Variants in INTS12 observed in about 807,000 individuals in gnomAD.
The protein encoded by INTS12 is integrator complex subunit 12, also known as PHD finger protein 22.
INTS12 carries 13 observed loss-of-function variants against 41.6 expected under a neutral mutation model. The ratio of observed to expected loss-of-function variants is 0.31; its 90% confidence interval spans 0.20 to 0.50. The LOEUF is 0.50. INTS12 is among the 20% of genes least tolerant of loss of function. The probability of loss-of-function intolerance (pLI) is 0.98; values close to 1 mark genes in which losing one functional copy is unlikely to be tolerated. For synonymous variants in INTS12, 199 were observed against 191.4 expected (o/e 1.04, Z -0.33); for missense variants, 432 against 541.6 (o/e 0.80, Z 2.01).
In INTS12 at chr4:105,683,161, G is replaced by C; in HGVS notation, c.961C>G (p.Pro321Ala). ...TTCTGGTTAGCTGACGAAGTAGCAG[G>C]TTTCCCAGTATTGTTTTGTGTTGTT... The part of the protein sequence containing the change: ...SSTTQNNTGK[P>A]ATSSANQKPV... Residue 321 changes from proline (P) to alanine (A), a missense_variant, in exon 8 of 8, where the codon CCT (proline) becomes GCT (alanine). This residue lies in a region of INTS12 where 258 missense variants were observed against 309.9 expected (regional missense o/e 0.83). Coordinates refer to ENST00000340139, the MANE Select transcript of INTS12 (RefSeq NM_020395.4). 3 of 1,614,084 alleles carry C rather than the reference G, an allele frequency of 1.9e-6. No individual in the cohort carries two copies. The highest frequency in any genetic ancestry group is 2.2e-5 in the South Asian group (2 of 91,078).
chr4:105,685,020 T>C (rs1731454556), intron 7 of INTS12, among the ~76,000 whole-genome samples: 1 of 152,080 alleles, frequency 6.6e-6, no homozygotes, highest in Non-Finnish European at 1.5e-5. Context: ...AGAAGTAATA[T>C]AACACAAACA....
chr4:105,708,551 C>T (rs919492296), intron 1 of INTS12, 87 bp downstream of exon 1: 2 of 985,306 alleles, frequency 2.0e-6, no homozygotes, highest in African/African-American at 3.5e-5. Context: ...AACTAATACC[C>T]CACGTAGCTA....
chr4:105,683,888 AAC>A (rs1300457547), intron 7 of INTS12, among the ~76,000 whole-genome samples: 2 of 152,158 alleles, frequency 1.3e-5, no homozygotes, highest in East Asian at 3.8e-4. Context: ...AATTTTGAGC[AAC>A]AGTTACAGGA....
chr4:105,692,051 C>T lies in INTS12; in HGVS notation c.582G>A (p.Gln194=), dbSNP rs1731707975. ...NLYHRDCHKP[Q]VTDKEANDPR... ...GGTCATTCGCTTCCTTGTCTGTCAC[C>T]TGGGGTTTATGACAATCTCGGTGGT... The change falls in exon 6 of 8, where the codon CAG becomes CAA. Residue 194 remains glutamine (Q), a synonymous_variant. Coordinates refer to ENST00000340139, the MANE Select transcript of INTS12 (RefSeq NM_020395.4). The T allele has an allele frequency of 6.2e-7, 1 of 1,610,306 alleles. No individual in the cohort carries two copies.
chr4:105,700,098 T>C (rs1732009880), intron 2 of INTS12, 84 bp from the exon 3 acceptor site: 2 of 870,710 alleles, frequency 2.3e-6, no homozygotes, highest in Non-Finnish European at 3.4e-6. Flanking sequence ...TTTTAATTTG[T>C]AATAGATAAT....
chr4:105,687,849 A>T (rs1191750837), intron 6 of INTS12, among the ~76,000 whole-genome samples: 5 of 152,152 alleles, frequency 3.3e-5, no homozygotes, highest in Admixed American at 2.0e-4. Flanking sequence ...GCTACTCAGG[A>T]GGTTGAGGCA....
intron 1 of INTS12, chr4:105,708,089 A>T (rs28391170): frequency 1.0e-6 from 1 of 985,118 alleles, no homozygotes; most frequent in East Asian, 1.1e-4. Context: ...AATAAACATT[A>T]TTTTAAAGAT....
intron 2 of INTS12, among the ~76,000 whole-genome samples, chr4:105,703,180 C>A (rs1000494007): frequency 6.6e-6 from 1 of 151,976 alleles, no homozygotes; most frequent in African/African-American, 2.4e-5. Flanking sequence ...AAACAAAGTC[C>A]TGTGTGTGTG....
intron 5 of INTS12, among the ~76,000 whole-genome samples, chr4:105,692,600 C>T (rs1560776437): frequency 6.6e-6 from 1 of 151,700 alleles, no homozygotes; most frequent in Non-Finnish European, 1.5e-5. Flanking sequence ...CAACACTTGG[C>T]ATGCACAAAA....
chr4:105,695,843 GT>G (rs1731843861), intron 3 of INTS12, among the ~76,000 whole-genome samples, 175 bp from the exon 4 acceptor site: 1 of 151,992 alleles, frequency 6.6e-6, no homozygotes, highest in South Asian at 2.1e-4. Flanking sequence ...TATACAAACT[GT>G]ACCTTTTTTA....
chr4:105,692,483 CAAA>C lies in INTS12; in HGVS notation c.498-351_498-349del, dbSNP rs571586438. Among the ~76,000 whole-genome samples, 11 of 49,232 alleles carry C rather than the reference CAAA, an allele frequency of 2.2e-4. No individual in the cohort carries two copies. The South Asian group carries it at 6.9e-3, about 31-fold the overall frequency. 32.3% of individuals were successfully genotyped at this position (49,232 alleles called of 152,430 possible). A position where few individuals can be genotyped will look rare whatever the true frequency, so the allele number is the denominator to read the frequency against. ...TTGGTGACAGAGTAAGACTCTGTCTCAAAAAAAAAAAAAAAAAAAAAAAGTTAT... is the reference window on the plus strand; with the variant it reads ...TTGGTGACAGAGTAAGACTCTGTCTCAAAAAAAAAAAAAAAAAAAAGTTAT... On this transcript the variant is annotated intron_variant, in intron 5 of 7. Transcript: ENST00000340139.
chr4:105,708,147 G>A, intron 1 of INTS12: 1 of 985,404 alleles, frequency 1.0e-6, no homozygotes, highest in Non-Finnish European at 1.2e-6. Flanking sequence ...GGATAACACT[G>A]ATACCTTAGG....
chr4:105,693,208 AC>A, intron 5 of INTS12, 90 bp downstream of exon 5: 3 of 1,076,412 alleles, frequency 2.8e-6, no homozygotes, highest in Non-Finnish European at 3.9e-6. Context: ...AAAATGCACA[AC>A]AATTTTTCTG....
rs571586438 is a variant in INTS12 at position 105,692,483 on chromosome 4, CAAAAA to C, written c.498-353_498-349del. 6.1e-5 allele frequency among the ~76,000 whole-genome samples: 3 copies of C among 49,234 alleles called. No homozygotes were observed. In the South Asian group the frequency reaches 2.3e-3, roughly 38 times the overall value. 32.3% of individuals were successfully genotyped at this position (49,234 alleles called of 152,430 possible). A position where few individuals can be genotyped will look rare whatever the true frequency, so the allele number is the denominator to read the frequency against. ...TTGGTGACAGAGTAAGACTCTGTCTCAAAAAAAAAAAAAAAAAAAAAAAGTTATTT... is the reference window on the plus strand; with the variant it reads ...TTGGTGACAGAGTAAGACTCTGTCTCAAAAAAAAAAAAAAAAAAGTTATTT... On this transcript the variant is annotated intron_variant, in intron 5 of 7. Transcript: ENST00000340139.
At chr4:105,689,132 T>C (rs1468563361) in intron 6 of INTS12, among the ~76,000 whole-genome samples, 1 of 152,218 alleles carries the variant, frequency 6.6e-6, no homozygotes, top group Non-Finnish European at 1.5e-5. Flanking sequence ...GTCTCTCACC[T>C]GAAGCTGGGG....
intron 7 of INTS12, among the ~76,000 whole-genome samples, chr4:105,685,853 A>T (rs889113075): frequency 6.6e-6 from 1 of 152,180 alleles, no homozygotes; most frequent in African/African-American, 2.4e-5. Flanking sequence ...GAGAAAGGTG[A>T]TACCCTCACT....
At chr4:105,707,883 G>C (rs1387267460) in intron 1 of INTS12, 1 of 784,216 alleles carries the variant, frequency 1.3e-6, no homozygotes, top group Non-Finnish European at 1.5e-6. Context: ...ATAAATATAA[G>C]TATGTGCTTT....
intron 1 of INTS12, among the ~76,000 whole-genome samples, chr4:105,704,784 C>A (rs1732206597): frequency 6.6e-6 from 1 of 152,166 alleles, no homozygotes; most frequent in South Asian, 2.1e-4. Context: ...AACCCAGAAG[C>A]AGCTTTAACT....
rs1451328910 is a variant in INTS12 at position 105,682,897 on chromosome 4, T to G, written c.1225A>C (p.Thr409Pro). The part of the protein sequence containing the change: ...SQLSGNGNSG[T>P]SGPSGSTTSK... ...GTAGTACTTCCACTAGGTCCTGATGTTCCACTATTTCCATTCCCACTTAGT... is the reference window on the plus strand; with the variant it reads ...GTAGTACTTCCACTAGGTCCTGATGGTCCACTATTTCCATTCCCACTTAGT... Residue 409 changes from threonine (T) to proline (P), a missense_variant, in exon 8 of 8, where the codon ACA (threonine) becomes CCA (proline). Thr to Pro is a conservative substitution (Grantham distance 38, BLOSUM62 -1). Transcript: ENST00000340139. The G allele has an allele frequency of 6.2e-7, 1 of 1,614,132 alleles. No individual in the cohort carries two copies. Among genetic ancestry groups the G allele is most frequent in the South Asian group, 1.1e-5 (1 of 91,074 alleles).
Sources: allele counts gnomAD v4.1 joint callset (sites outside exome capture counted in the v4.1 genomes callset), GRCh38; gene constraint gnomAD v4.1.1; regional missense constraint gnomAD v4.1.1; transcripts MANE v1.5; gene names NCBI Gene and HGNC (gene_info 2026-07-23, HGNC 2026-07-21).